TRIM9: variants seen among roughly 807,000 people sequenced by gnomAD.
TRIM9 encodes E3 ubiquitin-protein ligase TRIM9.
TRIM9 carries 26 observed loss-of-function variants against 78.3 expected under a neutral mutation model. The ratio of observed to expected loss-of-function variants is 0.33; its 90% CI spans 0.24 to 0.46. The LOEUF is 0.46. Ranked by LOEUF, TRIM9 falls within the 20% of genes least tolerant of loss-of-function variation. TRIM9 has a pLI of 1.00. For missense variants in TRIM9, 787 were observed against 1,036.4 expected (o/e 0.76, Z 3.30); for synonymous variants, 398 against 416.5 (o/e 0.96, Z 0.54).
Position 50,986,011 on chromosome 14 carries a change from T to C in TRIM9, c.1737A>G (p.Arg579=). The C allele has an allele frequency of 2.6e-6, 4 of 1,549,034 alleles. No individual in the cohort carries two copies. The highest frequency in any genetic ancestry group is 3.5e-6 in the Non-Finnish European group (4 of 1,146,228). Residue 579 remains arginine, a synonymous_variant, in exon 8 of 13, where the codon CGA becomes CGG. Transcript: ENST00000684578. ...GCAAGCTCAGCTGGTGGGGTGAGGA[T>C]CGGAAATCAAAGTAGGATCTCCCGG... ...SFPGRSYFDF[R]SSPHQLSLHS...
At position 51,094,296 on chromosome 14, in the gene TRIM9, C is replaced by T. The variant is rs1376653389; in HGVS notation, c.644G>A (p.Gly215Asp). 6.2e-7 allele frequency: 1 copy of T among 1,613,820 alleles called. No individual in the cohort carries two copies. Among genetic ancestry groups the T allele is most frequent in the Non-Finnish European group, 8.5e-7 (1 of 1,179,922 alleles). ...TGGGCTCAGCCTCCGGCTCACACGACCCTGGGCCGGGGGCACCAGGCGGTG... is the reference window on the plus strand; with the variant it reads ...TGGGCTCAGCCTCCGGCTCACACGATCCTGGGCCGGGGGCACCAGGCGGTG... ...AKHRLVPPAQ[G>D]RVSRRLSPRK... Residue 215 changes from glycine to aspartate, a missense_variant, in exon 1 of 13, where the codon GGT (glycine) becomes GAT (aspartate). This residue lies in a region of TRIM9 where 352 missense variants were observed against 472.3 expected (regional missense o/e 0.75). Coordinates refer to ENST00000684578, the MANE Select transcript of TRIM9 (RefSeq NM_001387360.1).
chr14:51,051,100 A>G (rs563386701), intron 1 of TRIM9, among the ~76,000 whole-genome samples: 1 of 152,332 alleles, frequency 6.6e-6, no homozygotes, highest in East Asian at 1.9e-4. Flanking sequence ...TCTTAGATTT[A>G]ACTCTAAGCA....
chr14:50,997,423 G>T (rs1359649465), intron 7 of TRIM9: 4 of 985,360 alleles, frequency 4.1e-6, no homozygotes, highest in Non-Finnish European at 4.8e-6. Context: ...GTAATGCGAA[G>T]TTGCTGGTCT....
At chr14:50,983,026 T>A in intron 9 of TRIM9, 61 bp from the exon 10 acceptor site, 6 of 1,482,544 alleles carry the variant, frequency 4.0e-6, no homozygotes, top group Non-Finnish European at 3.7e-6. Context: ...TTGACATGGA[T>A]AAGAAAATGT....
chr14:51,004,040 G>C (rs1303027819), intron 5 of TRIM9, among the ~76,000 whole-genome samples: 1 of 152,182 alleles, frequency 6.6e-6, no homozygotes, highest in Non-Finnish European at 1.5e-5. Context: ...GTTTGGAAAA[G>C]GATAGCATTA....
intron 5 of TRIM9, among the ~76,000 whole-genome samples, chr14:51,001,358 T>G (rs1157532968): frequency 6.6e-6 from 1 of 150,794 alleles, no homozygotes; most frequent in Non-Finnish European, 1.5e-5. Flanking sequence ...GCCTCCGGAG[T>G]AGCTGGGACT....
Position 50,977,159 on chromosome 14 carries a change from G to T in TRIM9, c.*132C>A. ...CAGAGCTGTGGGTGTAAAGACTGCAGAGGACCAGCTTTTCTCTCCTCCTTC... is the reference window on the plus strand; with the variant it reads ...CAGAGCTGTGGGTGTAAAGACTGCATAGGACCAGCTTTTCTCTCCTCCTTC... On this transcript the variant is annotated 3_prime_UTR_variant, in exon 13 of 13. Transcript: ENST00000684578. 1 of 583,984 alleles carries T rather than the reference G, an allele frequency of 1.7e-6. No individual in the cohort carries two copies. The allele number at this position is 583,984 out of a possible 1,614,324, so 36.2% of individuals were successfully genotyped here. A position where few individuals can be genotyped will look rare whatever the true frequency, so the allele number is the denominator to read the frequency against.
At chr14:51,050,239 G>T (rs1207865265) in intron 1 of TRIM9, among the ~76,000 whole-genome samples, 1 of 152,098 alleles carries the variant, frequency 6.6e-6, no homozygotes, top group Non-Finnish European at 1.5e-5. Flanking sequence ...ATCTCATCTT[G>T]GATTGTAGCT....
intron 7 of TRIM9, among the ~76,000 whole-genome samples, chr14:50,992,076 G>C (rs10130725): frequency 0.16 from 24,529 of 152,176 alleles, 2,116 homozygotes; most frequent in Middle Eastern, 0.25. Context: ...TTTAAATAGA[G>C]TGTTTAGTTT....
intron 1 of TRIM9, among the ~76,000 whole-genome samples, chr14:51,057,961 T>C (rs2061020406): frequency 6.6e-6 from 1 of 152,226 alleles, no homozygotes; most frequent in Non-Finnish European, 1.5e-5. Flanking sequence ...TTCAAGCCAG[T>C]TTACTCTGAT....
At chr14:51,040,924 T>C (rs1472400693) in intron 1 of TRIM9, among the ~76,000 whole-genome samples, 1 of 152,252 alleles carries the variant, frequency 6.6e-6, no homozygotes, top group East Asian at 1.9e-4. Flanking sequence ...GGAGAAACTC[T>C]CTGAGAGATC....
At chr14:51,026,371 G>A (rs1472940689) in intron 1 of TRIM9, among the ~76,000 whole-genome samples, 2 of 152,118 alleles carry the variant, frequency 1.3e-5, no homozygotes, top group South Asian at 2.1e-4. Flanking sequence ...TTCTTGTTAT[G>A]TGATAAAAAT....
intron 3 of TRIM9, among the ~76,000 whole-genome samples, chr14:51,022,402 A>G (rs145127013): frequency 1.9e-3 from 283 of 152,348 alleles, no homozygotes; most frequent in African/African-American, 6.6e-3. Context: ...CCAGAAGCCA[A>G]CACCATGCTT....
intron 1 of TRIM9, among the ~76,000 whole-genome samples, chr14:51,045,564 T>C (rs1315649283): frequency 6.6e-6 from 1 of 152,194 alleles, no homozygotes. Flanking sequence ...GGATGTCCTA[T>C]GATTCAAGGA....
At chr14:51,083,632 AG>A (rs2063507062) in intron 1 of TRIM9, among the ~76,000 whole-genome samples, 1 of 149,406 alleles carries the variant, frequency 6.7e-6, no homozygotes, top group South Asian at 2.1e-4. Context: ...CTATTCAAAA[AG>A]TAAGAGAAGG....
chr14:51,061,128 G>T (rs999515915), intron 1 of TRIM9, among the ~76,000 whole-genome samples: 1 of 152,060 alleles, frequency 6.6e-6, no homozygotes, highest in Non-Finnish European at 1.5e-5. Flanking sequence ...AAATTGGATT[G>T]TTGGCTGGGC....
intron 8 of TRIM9, among the ~76,000 whole-genome samples, chr14:50,985,501 CTT>C (rs1433267493): frequency 6.6e-6 from 1 of 152,138 alleles, no homozygotes; most frequent in African/African-American, 2.4e-5. Context: ...ATAAAGATCT[CTT>C]GAGTCTATGT....
intron 4 of TRIM9, among the ~76,000 whole-genome samples, 199 bp downstream of exon 4, chr14:51,010,185 T>C (rs1458910593): frequency 6.6e-6 from 1 of 151,814 alleles, no homozygotes; most frequent in African/African-American, 2.4e-5. Flanking sequence ...AGACTTGTAG[T>C]ACATGGTGCC....
intron 3 of TRIM9, among the ~76,000 whole-genome samples, chr14:51,014,110 ATTG>A (rs1294925854): frequency 2.0e-5 from 3 of 152,196 alleles, no homozygotes; most frequent in African/African-American, 7.2e-5. Flanking sequence ...AATAGACTGA[ATTG>A]TTGTGTTTCC....
Sources: allele counts gnomAD v4.1 joint callset (sites outside exome capture counted in the v4.1 genomes callset), GRCh38; gene constraint gnomAD v4.1.1; regional missense constraint gnomAD v4.1.1; transcripts MANE v1.5; gene names NCBI Gene and HGNC (gene_info 2026-07-23, HGNC 2026-07-21).